The following REG1B variants were observed in gnomAD, a reference collection of about 807,000 sequenced individuals.
The protein encoded by REG1B is lithostathine-1-beta.
Under a neutral mutation model 20.4 loss-of-function variants are expected in REG1B, and 21 were observed. The observed-to-expected ratio is 1.03, with a 90% CI of 0.73 to 1.48. REG1B has a LOEUF of 1.48. Among genes scored for constraint, REG1B ranks in the 40% most tolerant of loss-of-function variants. REG1B has a pLI of 0.00. For synonymous variants in REG1B, 82 were observed against 73.4 expected (o/e 1.12, Z -0.60); for missense variants, 247 against 197.2 (o/e 1.25, Z -1.51).
intron 2 of REG1B, 109 bp downstream of exon 2, chr2:79,087,440 T>TA (rs1165389951): frequency 1.3e-5 from 15 of 1,113,286 alleles, no homozygotes; most frequent in Admixed American, 7.1e-5. Context: ...CTGAACAACA[T>TA]AAAAAAACCC....
At position 79,085,234 on chromosome 2, in the gene REG1B, A is replaced by G. The variant is rs372503564; in HGVS notation, c.483T>C (p.Val161=). ...DESCEKKFSF[V]CKFKN Reference sequence around the variant, plus strand: ...GCTTCCTCTAGTTTTTGAACTTGCAAACAAAGGAGAACTTCTTCTCACAAG... The same window carrying G: ...GCTTCCTCTAGTTTTTGAACTTGCAGACAAAGGAGAACTTCTTCTCACAAG... The change falls in exon 6 of 6, where the codon GTT becomes GTC. Residue 161 remains valine (V), a synonymous_variant. Transcript: ENST00000305089. 1 of 1,613,302 alleles carries G rather than the reference A, an allele frequency of 6.2e-7. No homozygotes were observed. Among genetic ancestry groups the G allele is most frequent in the African/African-American group, 1.3e-5 (1 of 74,912 alleles).
chr2:79,087,549 C>T lies in REG1B; in HGVS notation c.64G>A (p.Gly22Ser). The change falls in exon 2 of 6, where the codon GGC (glycine) becomes AGC (serine). Residue 22 changes from glycine to serine, a missense_variant and splice_region_variant. Physicochemically the swap from Gly to Ser is moderately conservative, Grantham distance 56. Transcript: ENST00000305089. ...TGGGAAGTGTGGGGGAAAATCTCAC[C>T]TTGGCTCAGAGACAGGAACATCAGG... ...SSLMFLSLSQ[G>S]QESQTELPNP... The T allele has an allele frequency of 1.2e-6, 2 of 1,613,642 alleles. No individual in the cohort carries two copies. Among genetic ancestry groups the T allele is most frequent in the Non-Finnish European group, 1.7e-6 (2 of 1,179,830 alleles).
chr2:79,085,756 C>T, intron 4 of REG1B, 153 bp from the exon 5 acceptor site: 6 of 498,994 alleles, frequency 1.2e-5, no homozygotes, highest in South Asian at 2.7e-5. Context: ...TCTGCTTTTG[C>T]TCTAAGCTTC....
chr2:79,087,519 G>C (rs373401987), intron 2 of REG1B, 30 bp downstream of exon 2: 1 of 1,608,424 alleles, frequency 6.2e-7, no homozygotes, highest in Non-Finnish European at 8.5e-7. Flanking sequence ...TCAGAGTTGG[G>C]GTTGTGGGAA....
Position 79,086,873 on chromosome 2 carries a change from T to C in REG1B, c.122A>G (p.Asn41Ser), listed in dbSNP as rs146166989. The change falls in exon 3 of 6, where the codon AAT (asparagine) becomes AGT (serine). Residue 41 changes from asparagine (N) to serine (S), a missense_variant. Coordinates refer to ENST00000305089, the MANE Select transcript of REG1B (RefSeq NM_006507.4). ...GTAGTAGCAGTAGGAGCGATAGGCA[T>C]TGGTGCCTTCTGGGCAGCTGATTCG... ...NPRISCPEGT[N>S]AYRSYCYYFN... 1.9e-6 allele frequency: 3 copies of C among 1,613,942 alleles called. No individual in the cohort carries two copies. Among genetic ancestry groups the C allele is most frequent in the East Asian group, 2.2e-5 (1 of 44,860 alleles).
intron 4 of REG1B, 132 bp from the exon 5 acceptor site, chr2:79,085,735 A>C: frequency 1.8e-6 from 1 of 558,188 alleles, no homozygotes; most frequent in Non-Finnish European, 3.2e-6. Flanking sequence ...CATGAATATC[A>C]TATCATTTCC....
chr2:79,087,207 T>A, intron 2 of REG1B: 1 of 532,146 alleles, frequency 1.9e-6, no homozygotes. Flanking sequence ...CCAGGCTTCC[T>A]CCTTTCTCAA....
chr2:79,087,474 A>C, intron 2 of REG1B, 75 bp downstream of exon 2: 1 of 1,465,460 alleles, frequency 6.8e-7, no homozygotes, highest in African/African-American at 1.4e-5. Flanking sequence ...GCTTTTTTTC[A>C]AGTGAACCTT....
intron 3 of REG1B, 48 bp downstream of exon 3, chr2:79,086,764 G>C: frequency 6.5e-7 from 1 of 1,542,164 alleles, no homozygotes; most frequent in Non-Finnish European, 9.0e-7. Flanking sequence ...ATTAGCAGCT[G>C]CCTCTACCTT....
chr2:79,087,615 T>C lies in REG1B; in HGVS notation c.-3A>G. The C allele has an allele frequency of 6.2e-7, 1 of 1,613,782 alleles. No individual in the cohort carries two copies. Among genetic ancestry groups the C allele is most frequent in the Non-Finnish European group, 8.5e-7 (1 of 1,179,830 alleles). ...AAGAACGAGTTGGTCTGAGCCATGCTTAGCGGCAGTGAATCTCTTGCTTAA... is the reference window on the plus strand; with the variant it reads ...AAGAACGAGTTGGTCTGAGCCATGCCTAGCGGCAGTGAATCTCTTGCTTAA... On this transcript the variant is annotated 5_prime_UTR_variant, in exon 2 of 6. Transcript: ENST00000305089.
Position 79,086,915 on chromosome 2 carries a change from G to A in REG1B, c.80C>T (p.Thr27Ile), listed in dbSNP as rs767791154. ...LSLSQGQESQ[T>I]ELPNPRISCP... ...GCTGATTCGGGGATTAGGCAGCTCT[G>A]TCTGGGACTCCTGGCCTGGGGAAAA... is the stretch of plus-strand genomic sequence containing the variant. The change falls in exon 3 of 6, where the codon ACA becomes ATA. Residue 27 changes from threonine (T) to isoleucine (I), a missense_variant. Transcript: ENST00000305089. 1 of 1,613,596 alleles carries A rather than the reference G, an allele frequency of 6.2e-7. No individual in the cohort carries two copies. The highest frequency in any genetic ancestry group is 8.5e-7 in the Non-Finnish European group (1 of 1,179,724).
chr2:79,086,689 G>T (rs2073445), intron 3 of REG1B, 123 bp downstream of exon 3: 965,074 of 1,332,964 alleles, frequency 0.72, 350,927 homozygotes, highest in Admixed American at 0.79. Flanking sequence ...TGGGAAGTTT[G>T]GGACCAGTGG....
chr2:79,087,057 G>T, intron 2 of REG1B, 127 bp from the exon 3 acceptor site: 1 of 739,688 alleles, frequency 1.4e-6, no homozygotes, highest in Non-Finnish European at 2.3e-6. Flanking sequence ...TGGGGCGATT[G>T]CTCACTTCTG....
chr2:79,085,623 A>G lies in REG1B; in HGVS notation c.322-20T>C. ...GCGGTTCTAGATGGAGAAGGGCCAG[A>G]ACAGGGGCCATGGTCACTCAAAAAT... On this transcript the variant is annotated intron_variant, in intron 4 of 5. Coordinates refer to ENST00000305089, the MANE Select transcript of REG1B (RefSeq NM_006507.4). 6.5e-7 allele frequency: 1 copy of G among 1,527,214 alleles called. No individual in the cohort carries two copies. Among genetic ancestry groups the G allele is most frequent in the Non-Finnish European group, 9.0e-7 (1 of 1,105,954 alleles). The allele number at this position is 1,527,214 out of a possible 1,614,324, so 94.6% of individuals were successfully genotyped here. A position where few individuals can be genotyped will look rare whatever the true frequency, so the allele number is the denominator to read the frequency against.
At chr2:79,085,365 C>T (rs894325553) in intron 5 of REG1B, 82 bp from the exon 6 acceptor site, 3 of 1,357,638 alleles carry the variant, frequency 2.2e-6, no homozygotes, top group Non-Finnish European at 3.1e-6. Flanking sequence ...GAACAAAAAA[C>T]TAGAGGAAAT....
chr2:79,086,346 T>C (rs1371906737), intron 4 of REG1B, 21 bp downstream of exon 4: 3 of 1,613,558 alleles, frequency 1.9e-6, no homozygotes, highest in African/African-American at 1.3e-5. Flanking sequence ...TATAAGGAGA[T>C]AGAGGTGGCT....
chr2:79,087,682 G>C, intron 1 of REG1B, 24 bp from the exon 2 acceptor site: 2 of 1,495,324 alleles, frequency 1.3e-6, no homozygotes, highest in Non-Finnish European at 1.8e-6. Context: ...CAGGGAAGAG[G>C]GTTTGAAGAA....
At position 79,086,836 on chromosome 2, in the gene REG1B, G is replaced by A. The variant is rs372727754; in HGVS notation, c.159C>T (p.Asp53=). 6.2e-7 allele frequency: 1 copy of A among 1,613,858 alleles called. No homozygotes were observed. The highest frequency in any genetic ancestry group is 1.3e-5 in the African/African-American group (1 of 74,886). ...YRSYCYYFNE[D]PETWVDADLY... is the part of the protein sequence containing the mutation. ...CATCTGCATCAACCCAGGTCTCAGG[G>A]TCTTCATTAAAGTAGTAGCAGTAGG... is the stretch of plus-strand genomic sequence containing the variant. The change falls in exon 3 of 6, where the codon GAC becomes GAT. Residue 53 remains aspartate, a synonymous_variant. Coordinates refer to ENST00000305089, the MANE Select transcript of REG1B (RefSeq NM_006507.4).
chr2:79,087,527 G>A (rs367561478), intron 2 of REG1B, 22 bp downstream of exon 2: 1 of 1,612,594 alleles, frequency 6.2e-7, no homozygotes, highest in East Asian at 2.2e-5. Flanking sequence ...GGGGTTGTGG[G>A]AAGTGTGGGG....
Sources: gnomAD v4.1 joint callset for allele counts on GRCh38, gnomAD v4.1.1 for gene constraint, MANE v1.5 for transcripts, NCBI Gene and HGNC (gene_info 2026-07-23, HGNC 2026-07-21) for gene names.